The following EYS variants were observed in gnomAD, a reference collection of about 807,000 sequenced individuals.
The protein encoded by EYS is protein eyes shut homolog.
In EYS, 250 loss-of-function variants were observed where a neutral mutation model predicts 282.1. That is an observed-to-expected ratio of 0.89 (90% CI 0.80 to 0.98). The LOEUF (loss-of-function observed/expected upper bound fraction) is 0.98, where lower values mean the gene tolerates loss of function less well. Among genes scored for constraint, EYS ranks in the 50% least tolerant of loss-of-function variants. The probability of loss-of-function intolerance (pLI) is 0.00; values close to 1 mark genes in which losing one functional copy is unlikely to be tolerated. For missense variants in EYS, 4,016 were observed against 3,709.0 expected (o/e 1.08, Z -2.15); for synonymous variants, 1,355 against 1,282.9 (o/e 1.06, Z -1.20).
At chr6:64,045,382 AGTTTATTTT>A (rs1770569811) in intron 33 of EYS, among the ~76,000 whole-genome samples, 1 of 146,162 alleles carries the variant, frequency 6.8e-6, no homozygotes, top group Non-Finnish European at 1.5e-5. Context: ...GGGTGAAACA[AGTTTATTTT>A]ATTTTATTTT....
chr6:65,373,650 C>T (rs1248618887), intron 8 of EYS, among the ~76,000 whole-genome samples: 1 of 151,986 alleles, frequency 6.6e-6, no homozygotes, highest in African/African-American at 2.4e-5. Context: ...TTAACTTGAG[C>T]ATTTTCAATA....
chr6:65,600,371 G>A (rs980111662), intron 2 of EYS, among the ~76,000 whole-genome samples: 2 of 152,046 alleles, frequency 1.3e-5, no homozygotes, highest in African/African-American at 4.8e-5. Flanking sequence ...CTATGGGCAA[G>A]AGTTTTCTCC....
At chr6:64,656,662 A>G (rs1259243029) in intron 22 of EYS, among the ~76,000 whole-genome samples, 1 of 152,116 alleles carries the variant, frequency 6.6e-6, no homozygotes, top group African/African-American at 2.4e-5. Flanking sequence ...GAATTATCCC[A>G]CCTGATAGAC....
intron 18 of EYS, among the ~76,000 whole-genome samples, chr6:64,895,951 C>T (rs1411527361): frequency 6.6e-6 from 1 of 151,830 alleles, no homozygotes; most frequent in Non-Finnish European, 1.5e-5. Flanking sequence ...AAACCATATA[C>T]TAAATAATAA....
intron 31 of EYS, among the ~76,000 whole-genome samples, chr6:64,154,018 A>G (rs1774830178): frequency 1.3e-5 from 2 of 152,230 alleles, no homozygotes; most frequent in African/African-American, 4.8e-5. Flanking sequence ...TTATTATAAT[A>G]CTTGAAAATT....
At chr6:64,643,518 G>A (rs1021390691) in intron 22 of EYS, among the ~76,000 whole-genome samples, 1 of 152,136 alleles carries the variant, frequency 6.6e-6, no homozygotes. Flanking sequence ...CAGAGTTGGG[G>A]GTGAGAGTAG....
chr6:64,737,146 T>C (rs2149957491), intron 22 of EYS, among the ~76,000 whole-genome samples: 1 of 152,324 alleles, frequency 6.6e-6, no homozygotes, highest in East Asian at 1.9e-4. Flanking sequence ...TATCATTTTT[T>C]GTGATAGAAA....
chr6:65,107,338 C>T (rs1444262283), intron 12 of EYS, among the ~76,000 whole-genome samples: 2 of 150,422 alleles, frequency 1.3e-5, no homozygotes, highest in East Asian at 3.9e-4. Flanking sequence ...AGAAAACTCT[C>T]CAGCTTTCCT....
intron 13 of EYS, among the ~76,000 whole-genome samples, chr6:65,031,144 T>TAC (rs35160401): frequency 5.0e-5 from 4 of 80,472 alleles, no homozygotes; most frequent in African/African-American, 3.1e-4. Flanking sequence ...TTTTATATTT[T>TAC]ATATATATAT....
intron 26 of EYS, among the ~76,000 whole-genome samples, chr6:64,468,818 CT>C (rs1180166796): frequency 6.6e-6 from 1 of 152,166 alleles, no homozygotes; most frequent in African/African-American, 2.4e-5. Context: ...ATCTTTGTTG[CT>C]GTAAAGGACA....
chr6:65,275,193 C>T (rs1768013259), intron 12 of EYS, among the ~76,000 whole-genome samples: 1 of 152,146 alleles, frequency 6.6e-6, no homozygotes, highest in African/African-American at 2.4e-5. Flanking sequence ...AATCATAGTA[C>T]AGGCCCTTAG....
chr6:64,872,960 T>A (rs1766638854), intron 19 of EYS, among the ~76,000 whole-genome samples: 1 of 151,978 alleles, frequency 6.6e-6, no homozygotes. Flanking sequence ...CAGTGGGAAC[T>A]GTTATGAAAA....
At chr6:64,519,495 G>T (rs1054986994) in intron 26 of EYS, among the ~76,000 whole-genome samples, 4 of 151,754 alleles carry the variant, frequency 2.6e-5, no homozygotes, top group South Asian at 2.1e-4. Context: ...ATCCTAGTGG[G>T]CTTTTAAATG....
chr6:63,861,838 G>C (rs1772538067), intron 36 of EYS, among the ~76,000 whole-genome samples: 1 of 152,170 alleles, frequency 6.6e-6, no homozygotes, highest in Non-Finnish European at 1.5e-5. Context: ...CCAGAACCAA[G>C]TTCACTGGTG....
intron 14 of EYS, among the ~76,000 whole-genome samples, chr6:64,960,044 T>G (rs192576474): frequency 6.6e-6 from 1 of 152,122 alleles, no homozygotes; most frequent in East Asian, 1.9e-4. Flanking sequence ...ACATAAGTGA[T>G]ATTAGTCTTA....
At chr6:64,915,295 G>T (rs1283171923) in intron 15 of EYS, among the ~76,000 whole-genome samples, 2 of 151,972 alleles carry the variant, frequency 1.3e-5, no homozygotes, top group South Asian at 2.1e-4. Flanking sequence ...AAAATCATTT[G>T]CATGGTTTGC....
At chr6:64,514,860 A>T (rs1777517306) in intron 26 of EYS, among the ~76,000 whole-genome samples, 1 of 151,818 alleles carries the variant, frequency 6.6e-6, no homozygotes, top group South Asian at 2.1e-4. Context: ...AGAAAAGGGA[A>T]CAAAGATGAG....
chr6:65,458,920 G>T (rs1352401218), intron 5 of EYS, among the ~76,000 whole-genome samples: 1 of 151,970 alleles, frequency 6.6e-6, no homozygotes, highest in Admixed American at 6.6e-5. Context: ...TATTTATAGA[G>T]ACAGAGGTAA....
At chr6:64,022,614 C>T (rs1267428946) in intron 33 of EYS, among the ~76,000 whole-genome samples, 1 of 152,104 alleles carries the variant, frequency 6.6e-6, no homozygotes, top group Non-Finnish European at 1.5e-5. Context: ...GAAAAAAGCA[C>T]CCAGGGCACA....
Sources: gnomAD v4.1 joint callset for allele counts (sites outside exome capture counted in the v4.1 genomes callset) on GRCh38, gnomAD v4.1.1 for gene constraint, MANE v1.5 for transcripts, NCBI Gene and HGNC (gene_info 2026-07-23, HGNC 2026-07-21) for gene names.